The following MDGA2 variants were observed in gnomAD, a reference collection of about 807,000 sequenced individuals.
The protein encoded by MDGA2 is MAM domain containing glycosylphosphatidylinositol anchor 2, also known as MAM domain-containing glycosylphosphatidylinositol anchor protein 2.
In MDGA2, 40 loss-of-function variants were observed where a neutral mutation model predicts 117.8. The ratio of observed to expected loss-of-function variants is 0.34; its 90% CI spans 0.26 to 0.44. The LOEUF (loss-of-function observed/expected upper bound fraction) is 0.44, where lower values mean the gene tolerates loss of function less well. MDGA2 is among the 20% of genes least tolerant of loss of function. The probability of loss-of-function intolerance (pLI) is 1.00; values close to 1 mark genes in which losing one functional copy is unlikely to be tolerated. For missense variants in MDGA2, 1,123 were observed against 1,250.6 expected (o/e 0.90, Z 1.54); for synonymous variants, 452 against 439.0 (o/e 1.03, Z -0.37).
At chr14:47,306,727 T>C (rs1889457468) in intron 1 of MDGA2, among the ~76,000 whole-genome samples, 1 of 152,078 alleles carries the variant, frequency 6.6e-6, no homozygotes, top group Admixed American at 6.6e-5. Flanking sequence ...CACTGGTCCC[T>C]CTCCTAGAAC....
At chr14:46,868,580 G>C (rs954463891) in intron 14 of MDGA2, among the ~76,000 whole-genome samples, 1 of 151,952 alleles carries the variant, frequency 6.6e-6, no homozygotes, top group Non-Finnish European at 1.5e-5. Context: ...TTTAGAGAAA[G>C]ATCTTTACCC....
At chr14:47,523,721 T>C (rs1341125160) in intron 1 of MDGA2, among the ~76,000 whole-genome samples, 1 of 152,220 alleles carries the variant, frequency 6.6e-6, no homozygotes, top group African/African-American at 2.4e-5. Context: ...TGTGAGCCTA[T>C]AGCTAGACTA....
At chr14:47,610,148 C>T (rs1434835542) in intron 1 of MDGA2, among the ~76,000 whole-genome samples, 2 of 151,960 alleles carry the variant, frequency 1.3e-5, no homozygotes, top group Admixed American at 6.6e-5. Context: ...TCAGCAAAAT[C>T]GGCATAAAAG....
chr14:47,329,666 C>A (rs1183472076), intron 1 of MDGA2, among the ~76,000 whole-genome samples: 1 of 151,862 alleles, frequency 6.6e-6, no homozygotes, highest in East Asian at 1.9e-4. Flanking sequence ...ATCATGAATA[C>A]TTGGAAAGTC....
intron 2 of MDGA2, among the ~76,000 whole-genome samples, chr14:47,294,851 G>A (rs1304791938): frequency 1.3e-5 from 2 of 152,062 alleles, no homozygotes; most frequent in East Asian, 3.9e-4. Flanking sequence ...TTTTATCATG[G>A]TAAGATTACC....
intron 9 of MDGA2, among the ~76,000 whole-genome samples, chr14:46,954,885 T>C (rs567145881): frequency 2.8e-4 from 42 of 152,188 alleles, no homozygotes; most frequent in African/African-American, 8.9e-4. Context: ...CATTTAAAAA[T>C]TATTTTCAGA....
chr14:47,598,528 T>C (rs1262683059), intron 1 of MDGA2, among the ~76,000 whole-genome samples: 2 of 152,200 alleles, frequency 1.3e-5, no homozygotes, highest in African/African-American at 2.4e-5. Context: ...TGTGACAACA[T>C]GGATAGACCT....
At chr14:47,199,965 A>C (rs1594717064) in intron 3 of MDGA2, among the ~76,000 whole-genome samples, 2 of 151,890 alleles carry the variant, frequency 1.3e-5, no homozygotes, top group South Asian at 4.1e-4. Flanking sequence ...TACAGATGAC[A>C]TAAGAACCCA....
intron 1 of MDGA2, among the ~76,000 whole-genome samples, chr14:47,602,520 T>A (rs761163544): frequency 1.3e-5 from 2 of 152,192 alleles, no homozygotes; most frequent in African/African-American, 4.8e-5. Flanking sequence ...AGACCACCTA[T>A]GTTCCTTCTC....
intron 4 of MDGA2, among the ~76,000 whole-genome samples, chr14:47,140,861 G>T (rs1882687518): frequency 6.6e-6 from 1 of 151,968 alleles, no homozygotes; most frequent in South Asian, 2.1e-4. Context: ...ACACAGTGAA[G>T]AAACAACTTA....
intron 1 of MDGA2, among the ~76,000 whole-genome samples, chr14:47,452,113 G>A (rs1472285119): frequency 6.6e-6 from 1 of 152,048 alleles, no homozygotes; most frequent in East Asian, 1.9e-4. Flanking sequence ...GATGGGAAAA[G>A]CAGCATTGAG....
intron 2 of MDGA2, among the ~76,000 whole-genome samples, chr14:47,279,400 C>T (rs1286015127): frequency 6.6e-6 from 1 of 152,088 alleles, no homozygotes; most frequent in Non-Finnish European, 1.5e-5. Context: ...GACCATGTTT[C>T]TCTTGCACTG....
intron 14 of MDGA2, among the ~76,000 whole-genome samples, chr14:46,869,284 A>C (rs1881901722): frequency 6.6e-6 from 1 of 151,896 alleles, no homozygotes; most frequent in Admixed American, 6.6e-5. Context: ...TTTTTTAAAG[A>C]AATGAATGAT....
chr14:47,197,653 G>A (rs1300634193), intron 3 of MDGA2, among the ~76,000 whole-genome samples: 1 of 152,192 alleles, frequency 6.6e-6, no homozygotes. Flanking sequence ...GTTTACGCCT[G>A]TAATCTCAGC....
At chr14:47,386,257 G>A (rs144684478) in intron 1 of MDGA2, among the ~76,000 whole-genome samples, 14 of 152,170 alleles carry the variant, frequency 9.2e-5, no homozygotes, top group East Asian at 3.9e-4. Flanking sequence ...TCCAGTGTGC[G>A]CAACAAGAGC....
intron 1 of MDGA2, among the ~76,000 whole-genome samples, chr14:47,574,941 T>A (rs1308822356): frequency 6.6e-6 from 1 of 152,184 alleles, no homozygotes; most frequent in Non-Finnish European, 1.5e-5. Flanking sequence ...ACACCCTCTA[T>A]CTTCTATCAT....
At chr14:47,626,208 G>A (rs1594950179) in intron 1 of MDGA2, 1 of 152,224 alleles carries the variant, frequency 6.6e-6, no homozygotes, top group East Asian at 1.9e-4. Flanking sequence ...TTTTTGTTTT[G>A]ATTTTTTGGT....
At chr14:46,886,772 C>G (rs1566508430) in intron 10 of MDGA2, among the ~76,000 whole-genome samples, 2 of 152,032 alleles carry the variant, frequency 1.3e-5, no homozygotes, top group African/African-American at 4.8e-5. Flanking sequence ...TGACAGTGCT[C>G]TCTCTCATAT....
intron 5 of MDGA2, among the ~76,000 whole-genome samples, chr14:47,118,465 T>C (rs544648744): frequency 3.3e-5 from 5 of 152,342 alleles, no homozygotes; most frequent in South Asian, 4.1e-4. Context: ...GTCAATATTT[T>C]ATTTCTCGAA....
Sources: allele counts gnomAD v4.1 joint callset (sites outside exome capture counted in the v4.1 genomes callset), GRCh38; gene constraint gnomAD v4.1.1; transcripts MANE v1.5; gene names NCBI Gene and HGNC (gene_info 2026-07-23, HGNC 2026-07-21).